The following PREX1 variants were observed in gnomAD, a reference collection of about 807,000 sequenced individuals.
The protein encoded by PREX1 is phosphatidylinositol-3,4,5-trisphosphate dependent Rac exchange factor 1.
A neutral mutation model predicts 198.3 loss-of-function variants in PREX1; 41 were observed. The observed-to-expected ratio is 0.21, with a 90% CI of 0.16 to 0.27. The LOEUF (loss-of-function observed/expected upper bound fraction) is 0.27. Among genes scored for constraint, PREX1 ranks in the 10% least tolerant of loss-of-function variants. PREX1 has a pLI of 1.00. For missense variants in PREX1, 1,620 were observed against 2,200.7 expected, an observed-to-expected ratio of 0.74 and a Z score of 5.28; for synonymous variants, 843 against 887.2, an observed-to-expected ratio of 0.95 and a Z score of 0.89.
At chr20:48,871,931 G>A in the PREX1 span, among the ~76,000 whole-genome samples, 6 of 152,036 alleles carry the variant, frequency 3.9e-5, no homozygotes, top group South Asian at 2.1e-4. Context: ...AGGCTGAGGC[G>A]GGCGGATCAC....
intron 9 of PREX1, among the ~76,000 whole-genome samples, chr20:48,690,081 AG>A (rs1469350340): frequency 6.6e-6 from 1 of 152,164 alleles, no homozygotes; most frequent in Non-Finnish European, 1.5e-5. Flanking sequence ...GTAGCAGTCG[AG>A]GGGAAGAGCA....
intron 5 of PREX1, among the ~76,000 whole-genome samples, chr20:48,711,800 C>T (rs754421204): frequency 3.3e-5 from 5 of 152,224 alleles, no homozygotes; most frequent in Admixed American, 2.0e-4. Flanking sequence ...AAAGGCCACA[C>T]GCCCAGTCTG....
intron 5 of PREX1, 148 bp from the exon 6 acceptor site, chr20:48,708,569 A>C (rs372010368): frequency 2.4e-6 from 2 of 829,874 alleles, no homozygotes; most frequent in African/African-American, 1.7e-5. Flanking sequence ...CAAAGCAAAG[A>C]AAACTCAGGT....
chr20:48,875,260 G>T, the PREX1 span, among the ~76,000 whole-genome samples: 1 of 152,194 alleles, frequency 6.6e-6, no homozygotes, highest in Non-Finnish European at 1.5e-5. Flanking sequence ...AGCAGCTGAA[G>T]AACAAGGGAA....
chr20:48,715,014 A>G (rs1467656362), intron 5 of PREX1, among the ~76,000 whole-genome samples: 1 of 152,236 alleles, frequency 6.6e-6, no homozygotes, highest in Non-Finnish European at 1.5e-5. Flanking sequence ...CTCCTGCCCA[A>G]TTCAGAACTG....
the PREX1 span, among the ~76,000 whole-genome samples, chr20:48,879,281 T>C: frequency 1.3e-5 from 2 of 152,234 alleles, no homozygotes; most frequent in African/African-American, 4.8e-5. Flanking sequence ...ATACACATAT[T>C]TAAATCTGTT....
At chr20:48,835,405 C>G in the PREX1 span, among the ~76,000 whole-genome samples, 1 of 152,138 alleles carries the variant, frequency 6.6e-6, no homozygotes, top group South Asian at 2.1e-4. Flanking sequence ...ATAAAGACCC[C>G]CAATAAGTTG....
chr20:48,858,390 G>T, the PREX1 span, among the ~76,000 whole-genome samples: 3 of 152,230 alleles, frequency 2.0e-5, no homozygotes, highest in Non-Finnish European at 4.4e-5. Flanking sequence ...CTCGGCTTCT[G>T]CAGGTCACAC....
chr20:48,688,755 C>G lies in PREX1; in HGVS notation c.1236G>C (p.Lys412Asn). 1.2e-6 allele frequency: 2 copies of G among 1,614,218 alleles called. No individual in the cohort carries two copies. The highest frequency in any genetic ancestry group is 1.7e-6 in the Non-Finnish European group (2 of 1,180,034). Residue 412 changes from lysine (K) to asparagine (N), a missense_variant, in exon 10 of 40, where the codon AAG becomes AAC. This residue lies in a region of PREX1 where 488 missense variants were observed against 802.5 expected (regional missense o/e 0.61). Transcript: ENST00000371941. The part of the protein sequence containing the change: ...ERDAYVMIAE[K>N]GEKLYHMMMN... The stretch of plus-strand genomic sequence containing the variant: ...TCATCATGTGGTACAGCTTCTCCCC[C>G]TTCTCCGCAATCATGACGTAGGCAT...
In PREX1 at chr20:48,708,441, G is replaced by A; in HGVS notation, c.622-20C>T. On this transcript the variant is annotated intron_variant, in intron 5 of 39. Transcript: ENST00000371941. ...CAGCTCCTGGGGTAGAATAGAGGTG[G>A]GGAGAAGAAAGCAAGACATCAATCA... The A allele has an allele frequency of 1.2e-6, 2 of 1,612,550 alleles. No individual in the cohort carries two copies. The highest frequency in any genetic ancestry group is 1.1e-5 in the South Asian group (1 of 91,038).
intron 5 of PREX1, among the ~76,000 whole-genome samples, chr20:48,718,806 C>A (rs1387084676): frequency 6.6e-6 from 1 of 152,194 alleles, no homozygotes; most frequent in African/African-American, 2.4e-5. Context: ...CAGCATTTTA[C>A]AGATATTTTT....
At chr20:48,747,962 A>G in intron 1 of PREX1, 82 bp from the exon 2 acceptor site, 1 of 1,280,600 alleles carries the variant, frequency 7.8e-7, no homozygotes, top group East Asian at 2.4e-5. Flanking sequence ...TCTCAAGTTC[A>G]AATGCCAACT....
chr20:48,700,653 C>T, intron 7 of PREX1, 100 bp downstream of exon 7: 1 of 1,495,706 alleles, frequency 6.7e-7, no homozygotes, highest in Admixed American at 1.7e-5. Flanking sequence ...AACCCCTCAA[C>T]TCACAGGAAA....
upstream of PREX1, among the ~76,000 whole-genome samples, chr20:48,832,494 A>T (rs1450636022): frequency 6.6e-6 from 1 of 152,204 alleles, no homozygotes; most frequent in Non-Finnish European, 1.5e-5. Context: ...GGGTGCCATC[A>T]TTTCCCAAAT....
chr20:48,848,803 C>T, the PREX1 span, among the ~76,000 whole-genome samples: 1 of 152,066 alleles, frequency 6.6e-6, no homozygotes, highest in East Asian at 1.9e-4. Context: ...GTGGCGGGAT[C>T]TCGGCTCACT....
chr20:48,760,949 A>G (rs550851951), intron 1 of PREX1, among the ~76,000 whole-genome samples: 1 of 152,332 alleles, frequency 6.6e-6, no homozygotes, highest in South Asian at 2.1e-4. Flanking sequence ...ACCTTCACAA[A>G]GTAGTGGCAG....
intron 14 of PREX1, among the ~76,000 whole-genome samples, chr20:48,671,311 T>C (rs1167381409): frequency 1.3e-5 from 2 of 152,188 alleles, no homozygotes; most frequent in East Asian, 3.8e-4. Flanking sequence ...TCTGTGCAGA[T>C]GTGATGTCTG....
intron 1 of PREX1, among the ~76,000 whole-genome samples, chr20:48,817,157 A>T (rs1299619374): frequency 6.6e-6 from 1 of 152,202 alleles, no homozygotes; most frequent in Non-Finnish European, 1.5e-5. Flanking sequence ...AGGTGCTGTC[A>T]TGTATTTTTG....
chr20:48,863,586 C>CTTTTTT, the PREX1 span, among the ~76,000 whole-genome samples: 2 of 104,304 alleles, frequency 1.9e-5, no homozygotes, highest in African/African-American at 3.8e-5. Context: ...TTCATATTGT[C>CTTTTTT]TTTTTTTTTT....
Sources: gnomAD v4.1 joint callset for allele counts (sites outside exome capture counted in the v4.1 genomes callset) on GRCh38, gnomAD v4.1.1 for gene constraint, gnomAD v4.1.1 regional missense constraint, MANE v1.5 for transcripts, NCBI Gene and HGNC (gene_info 2026-07-23, HGNC 2026-07-21) for gene names.